The following SH2D4B variants were observed in gnomAD, a reference collection of about 807,000 sequenced individuals.
SH2D4B encodes the protein SH2 domain containing 4B, also known as SH2 domain-containing protein 4B.
A neutral mutation model predicts 61.5 loss-of-function variants in SH2D4B; 45 were observed. That is an observed-to-expected ratio of 0.73 (90% confidence interval 0.58 to 0.94). The LOEUF (loss-of-function observed/expected upper bound fraction) is 0.94. SH2D4B is among the 40% of genes least tolerant of loss of function. SH2D4B has a pLI of 0.00. For synonymous variants in SH2D4B, 224 were observed against 220.4 expected (o/e 1.02, Z -0.14); for missense variants, 572 against 574.2 (o/e 1.00, Z 0.04).
chr10:80,570,401 G>A (rs569671283), intron 2 of SH2D4B, 85 bp downstream of exon 2: 13 of 1,489,270 alleles, frequency 8.7e-6, no homozygotes, highest in South Asian at 1.3e-5. Context: ...TGTATTTTTA[G>A]TAGAGATGGA....
At position 80,539,240 on chromosome 10, in the gene SH2D4B, C is replaced by A. The variant is rs1841546993; in HGVS notation, c.184+725C>A. 6.6e-6 allele frequency among the ~76,000 whole-genome samples: 1 copy of A among 152,246 alleles called. No individual in the cohort carries two copies. Among genetic ancestry groups the A allele is most frequent in the African/African-American group, 2.4e-5 (1 of 41,468 alleles). ...CCAGGACCCCTGGGCCAGAAACTGG[C>A]AGGCTGCTGAGGCTTGGCTTGGCAC... On this transcript the variant is annotated intron_variant, in intron 1 of 7. Coordinates refer to ENST00000646907, the MANE Select transcript of SH2D4B (RefSeq NM_001388272.1). This position sits in a 1 kb window ranked among gnomAD's most constrained non-coding sequence, Gnocchi z 4.9.
intron 3 of SH2D4B, among the ~76,000 whole-genome samples, chr10:80,575,982 T>C (rs72805718): frequency 0.026 from 3,914 of 152,348 alleles, 62 homozygotes; most frequent in Middle Eastern, 0.051. Flanking sequence ...ACCAATTCTT[T>C]TTATCTCTCT....
At chr10:80,583,715 G>C (rs1378870705) in intron 3 of SH2D4B, among the ~76,000 whole-genome samples, 2 of 151,970 alleles carry the variant, frequency 1.3e-5, no homozygotes, top group East Asian at 3.9e-4. Context: ...AAATGATAAG[G>C]CAGTTAGAAG....
intron 6 of SH2D4B, among the ~76,000 whole-genome samples, chr10:80,629,931 T>A (rs1842811117): frequency 6.6e-6 from 1 of 152,158 alleles, no homozygotes; most frequent in Non-Finnish European, 1.5e-5. Flanking sequence ...TCCCTGCCAA[T>A]GTCCCAGGCA....
At chr10:80,586,664 G>A (rs1006612046) in intron 3 of SH2D4B, among the ~76,000 whole-genome samples, 1 of 152,216 alleles carries the variant, frequency 6.6e-6, no homozygotes, top group Non-Finnish European at 1.5e-5. Flanking sequence ...TCAGCAGGAT[G>A]TGGGTGGGGC....
At chr10:80,617,079 G>C (rs1322343559) in intron 6 of SH2D4B, among the ~76,000 whole-genome samples, 1 of 152,262 alleles carries the variant, frequency 6.6e-6, no homozygotes, top group Non-Finnish European at 1.5e-5. Context: ...AAACCCAGGT[G>C]ATCTGGGTTC....
chr10:80,564,276 T>C (rs1391524021), intron 1 of SH2D4B, among the ~76,000 whole-genome samples: 1 of 152,246 alleles, frequency 6.6e-6, no homozygotes, highest in Non-Finnish European at 1.5e-5. Context: ...TGTTTTCAAG[T>C]TTCCAAGTCT....
chr10:80,640,487 C>A (rs1840272052), intron 7 of SH2D4B, among the ~76,000 whole-genome samples: 4 of 152,104 alleles, frequency 2.6e-5, no homozygotes. Context: ...TTGTTCGGTT[C>A]TTTTTACTCT....
chr10:80,635,347 G>A (rs1054314906), intron 7 of SH2D4B, among the ~76,000 whole-genome samples: 3 of 152,196 alleles, frequency 2.0e-5, no homozygotes, highest in African/African-American at 4.8e-5. Context: ...GAAGGATTCC[G>A]AGGGGCAGAG....
intron 3 of SH2D4B, among the ~76,000 whole-genome samples, chr10:80,585,394 AACCTCC>A (rs1842233572): frequency 6.6e-6 from 1 of 150,398 alleles, no homozygotes; most frequent in African/African-American, 2.5e-5. Flanking sequence ...AGCTCACTGC[AACCTCC>A]ACCTCCCGGG....
At chr10:80,571,693 T>C (rs1418542440) in intron 3 of SH2D4B, 115 bp downstream of exon 3, 1 of 1,188,324 alleles carries the variant, frequency 8.4e-7, no homozygotes, top group African/African-American at 1.5e-5. Flanking sequence ...GGGTGCTTTA[T>C]GAGAATAGAA....
At chr10:80,599,750 A>C (rs1842429300) in intron 4 of SH2D4B, among the ~76,000 whole-genome samples, 1 of 152,078 alleles carries the variant, frequency 6.6e-6, no homozygotes, top group Admixed American at 6.6e-5. Flanking sequence ...CCTCGTCTTG[A>C]GTGCCAAACC....
rs1564762240 is a variant in SH2D4B, at chr10:80,538,385, G to C, written c.54G>C (p.Glu18Asp). Residue 18 changes from glutamate (E) to aspartate (D), a missense_variant, in exon 1 of 8, where the codon GAG becomes GAC. Glu to Asp is a conservative substitution (Grantham distance 45). Transcript: ENST00000646907. The surrounding 1 kb of genome is among the most constrained non-coding windows in gnomAD (Gnocchi z 4.8). The stretch of plus-strand genomic sequence containing the variant: ...ACATCGACCCCGAGCTCCTTGCCGA[G>C]CTCAGCGATGTGCAGAAGCACATCC... ...DMYIDPELLA[E>D]LSDVQKHILF... The C allele has an allele frequency of 7.0e-7, 1 of 1,435,500 alleles. No individual in the cohort carries two copies. 88.9% of individuals were successfully genotyped at this position (1,435,500 alleles called of 1,614,324 possible).
chr10:80,578,890 G>A (rs574395782), intron 3 of SH2D4B, among the ~76,000 whole-genome samples: 1 of 152,252 alleles, frequency 6.6e-6, no homozygotes, highest in African/African-American at 2.4e-5. Context: ...AAATGGTGGT[G>A]GTGAAATCAA....
chr10:80,542,928 C>T (rs942642623), intron 1 of SH2D4B, among the ~76,000 whole-genome samples: 9 of 152,210 alleles, frequency 5.9e-5, no homozygotes, highest in Admixed American at 3.3e-4. Context: ...GCCCTCATTC[C>T]AGCCAGCAGA....
chr10:80,594,982 G>T (rs1842369782), intron 4 of SH2D4B, among the ~76,000 whole-genome samples: 1 of 151,848 alleles, frequency 6.6e-6, no homozygotes, highest in Admixed American at 6.6e-5. Context: ...CAGTGACCTA[G>T]CATGTAATCA....
Position 80,644,283 on chromosome 10 carries a change from T to C in SH2D4B, c.*198T>C. ...TCCCAGCGATCGGGACAGAAATTGC[T>C]AATAGCTCATGCAACTCTTTCATGA... On this transcript the variant is annotated 3_prime_UTR_variant, in exon 8 of 8. Transcript: ENST00000646907. 2 of 547,152 alleles carry C rather than the reference T, an allele frequency of 3.7e-6. No individual in the cohort carries two copies. The highest frequency in any genetic ancestry group is 6.5e-6 in the Non-Finnish European group (2 of 308,510). 33.9% of individuals were successfully genotyped at this position (547,152 alleles called of 1,614,324 possible). A position where few individuals can be genotyped will look rare whatever the true frequency, so the allele number is the denominator to read the frequency against.
chr10:80,557,975 A>G (rs1841859335), intron 1 of SH2D4B, among the ~76,000 whole-genome samples: 1 of 152,170 alleles, frequency 6.6e-6, no homozygotes, highest in South Asian at 2.1e-4. Context: ...ATTTGATGCT[A>G]TAAATGTCTT....
chr10:80,569,802 G>T (rs534800169), intron 1 of SH2D4B, among the ~76,000 whole-genome samples: 3 of 152,282 alleles, frequency 2.0e-5, no homozygotes, highest in African/African-American at 7.2e-5. Context: ...GTAAGCAAAA[G>T]CAGTTAACCT....
Sources: allele counts gnomAD v4.1 joint callset (sites outside exome capture counted in the v4.1 genomes callset), GRCh38; gene constraint gnomAD v4.1.1; non-coding constraint Gnocchi (gnomAD v3.1); transcripts MANE v1.5; gene names NCBI Gene and HGNC (gene_info 2026-07-23, HGNC 2026-07-21).